The following WDR47 variants were observed in gnomAD, a reference collection of about 807,000 sequenced individuals.
WDR47 encodes the protein WD repeat-containing protein 47.
A neutral mutation model predicts 97.2 loss-of-function variants in WDR47; 32 were observed. The ratio of observed to expected loss-of-function variants is 0.33; its 90% CI spans 0.25 to 0.44. The LOEUF (loss-of-function observed/expected upper bound fraction) is 0.44. Ranked by LOEUF, WDR47 falls within the 20% of genes least tolerant of loss-of-function variation. The probability of loss-of-function intolerance (pLI) is 1.00; values close to 1 mark genes in which losing one functional copy is unlikely to be tolerated. For synonymous variants in WDR47, 375 were observed against 373.5 expected, an observed-to-expected ratio of 1.00 and a Z score of -0.05; for missense variants, 782 against 1,102.3, an observed-to-expected ratio of 0.71 and a Z score of 4.11.
At chr1:108,989,884 T>C (rs887877652) in intron 9 of WDR47, among the ~76,000 whole-genome samples, 6 of 152,010 alleles carry the variant, frequency 3.9e-5, no homozygotes, top group African/African-American at 4.8e-5. Flanking sequence ...TTAGAAGAGA[T>C]TGGGTTTCGC....
intron 5 of WDR47, 129 bp from the exon 6 acceptor site, chr1:109,004,844 G>A (rs548383674): frequency 8.6e-7 from 1 of 1,166,550 alleles, no homozygotes; most frequent in South Asian, 2.1e-5. Context: ...AGCCCCGACT[G>A]GAGTGACGCA....
Position 109,018,167 on chromosome 1 carries a change from T to C in WDR47, c.159-566A>G, listed in dbSNP as rs544555277. ...TTGACCTATGTAAAAACATTGGACA[T>C]GCCAGGCGTGGTGGCTCACACCTGT... On this transcript the variant is annotated intron_variant, in intron 2 of 14. Transcript: ENST00000369962. 3.3e-5 allele frequency among the ~76,000 whole-genome samples: 5 copies of C among 152,154 alleles called. No homozygotes were observed. The East Asian group carries it at 9.7e-4, about 30-fold the overall frequency.
chr1:109,013,973 ATATACT>A (rs1345628850), intron 3 of WDR47, 48 bp from the exon 4 acceptor site: 2 of 1,382,924 alleles, frequency 1.4e-6, no homozygotes, highest in East Asian at 4.6e-5. Context: ...CTGATGTCAA[ATATACT>A]TAGAAGTTAC....
chr1:109,004,753 G>A (rs1190007727), intron 5 of WDR47, 38 bp from the exon 6 acceptor site: 4 of 1,553,986 alleles, frequency 2.6e-6, no homozygotes, highest in East Asian at 4.6e-5. Flanking sequence ...AAAAGGCAGA[G>A]GGGGGAGTAA....
At position 108,991,322 on chromosome 1, in the gene WDR47, C is replaced by A; in HGVS notation, c.1699G>T (p.Glu567Ter). 1 of 1,611,356 alleles carries A rather than the reference C, an allele frequency of 6.2e-7. No homozygotes were observed. Among genetic ancestry groups the A allele is most frequent in the Non-Finnish European group, 8.5e-7 (1 of 1,178,026 alleles). The part of the protein sequence containing the change: ...ESPCGSQISS[E>*]HSVIKPPLGD... ...AGAGGTGGCTTAATGACCGAATGTTCTGAAGAGCTGTGGGAGTAGAAATTC... is the reference window on the plus strand; with the variant it reads ...AGAGGTGGCTTAATGACCGAATGTTATGAAGAGCTGTGGGAGTAGAAATTC... The change falls in exon 9 of 15, where the codon GAA becomes TAA. Residue 567 changes from glutamate to a stop codon, truncating the protein, a stop_gained. Transcript: ENST00000369962. LOFTEE classifies it high-confidence loss of function.
chr1:108,996,444 A>G (rs753553976), intron 7 of WDR47, among the ~76,000 whole-genome samples: 52 of 152,196 alleles, frequency 3.4e-4, no homozygotes, highest in Non-Finnish European at 6.8e-4. Flanking sequence ...TTAATTTTCC[A>G]TTTAAAACTT....
intron 5 of WDR47, among the ~76,000 whole-genome samples, chr1:109,005,303 C>T (rs542066842): frequency 6.6e-6 from 1 of 152,178 alleles, no homozygotes; most frequent in South Asian, 2.1e-4. Context: ...TCCCCAGCTA[C>T]TTGGGAGGCT....
intron 13 of WDR47, among the ~76,000 whole-genome samples, chr1:108,979,211 G>A (rs1405496687): frequency 6.6e-6 from 1 of 152,136 alleles, no homozygotes; most frequent in African/African-American, 2.4e-5. Flanking sequence ...TTAGTGGTAA[G>A]TGTATAGAAA....
chr1:108,986,713 A>T, intron 9 of WDR47, 33 bp from the exon 10 acceptor site: 3 of 1,473,100 alleles, frequency 2.0e-6, no homozygotes, highest in Non-Finnish European at 2.7e-6. Flanking sequence ...TTATCCTATT[A>T]AAAAAATGAA....
Position 108,991,303 on chromosome 1 carries a change from G to A in WDR47, c.1718C>T (p.Pro573Leu), listed in dbSNP as rs1659332011. 29 of 1,611,676 alleles carry A rather than the reference G, an allele frequency of 1.8e-5. No individual in the cohort carries two copies. The East Asian group carries it at 6.5e-4, about 36-fold the overall frequency. Reference protein sequence around the residue: ...QISSEHSVIKPPLGDSPGSLS... With the variant: ...QISSEHSVIKLPLGDSPGSLS... ...ACTCCCTGGAGAATCTCCAAGAGGT[G>A]GCTTAATGACCGAATGTTCTGAAGA... The change falls in exon 9 of 15, where the codon CCA becomes CTA. Residue 573 changes from proline to leucine, a missense_variant. Pro to Leu is a moderately conservative substitution (Grantham distance 98). Coordinates refer to ENST00000369962, the MANE Select transcript of WDR47 (RefSeq NM_001142551.2).
intron 5 of WDR47, among the ~76,000 whole-genome samples, chr1:109,005,653 T>C (rs959293047): frequency 6.6e-6 from 1 of 151,998 alleles, no homozygotes; most frequent in Non-Finnish European, 1.5e-5. Flanking sequence ...GGCAGGCAGA[T>C]CACGAGGTCA....
intron 5 of WDR47, among the ~76,000 whole-genome samples, chr1:109,008,272 T>A (rs778001552): frequency 4.7e-5 from 7 of 150,222 alleles, no homozygotes; most frequent in African/African-American, 7.3e-5. Context: ...ATCCTATACT[T>A]CTTTTTTTTT....
At chr1:109,033,762 C>T (rs1571261800) in intron 1 of WDR47, among the ~76,000 whole-genome samples, 1 of 152,044 alleles carries the variant, frequency 6.6e-6, no homozygotes, top group African/African-American at 2.4e-5. Context: ...CTACTAAAAA[C>T]ACAAAAATTA....
chr1:108,978,493 CAAAA>C (rs201610690), intron 13 of WDR47, among the ~76,000 whole-genome samples: 1 of 92,752 alleles, frequency 1.1e-5, no homozygotes, highest in Non-Finnish European at 2.4e-5. Flanking sequence ...GTCTCAAAAG[CAAAA>C]AAAAAAAAAA....
At chr1:108,983,221 A>G in intron 11 of WDR47, 61 bp downstream of exon 11, 1 of 1,411,658 alleles carries the variant, frequency 7.1e-7, no homozygotes, top group Non-Finnish European at 9.4e-7. Flanking sequence ...GAAATACAAC[A>G]TGGAGAAAAC....
intron 3 of WDR47, among the ~76,000 whole-genome samples, chr1:109,015,982 CAA>C (rs67794185): frequency 1.5e-3 from 146 of 98,930 alleles, no homozygotes; most frequent in Middle Eastern, 4.8e-3. Context: ...GACTCCATCT[CAA>C]AAAAAAAAAA....
At chr1:108,997,759 C>A (rs1469204714) in intron 7 of WDR47, among the ~76,000 whole-genome samples, 168 of 101,934 alleles carry the variant, frequency 1.6e-3, no homozygotes, top group Non-Finnish European at 1.7e-3. Flanking sequence ...GACTCCATCT[C>A]AAAAAAAAAA....
chr1:108,999,445 T>C (rs1660010370), intron 7 of WDR47, among the ~76,000 whole-genome samples: 1 of 152,102 alleles, frequency 6.6e-6, no homozygotes, highest in Non-Finnish European at 1.5e-5. Flanking sequence ...GGTTCTCGCC[T>C]GTAATCCCAG....
At chr1:109,008,612 C>A (rs565436575) in intron 5 of WDR47, among the ~76,000 whole-genome samples, 13 of 150,640 alleles carry the variant, frequency 8.6e-5, no homozygotes, top group Admixed American at 4.6e-4. Flanking sequence ...TTGCTCTAAT[C>A]ATTATTATTT....
Sources: gnomAD v4.1 joint callset for allele counts (sites outside exome capture counted in the v4.1 genomes callset) on GRCh38, gnomAD v4.1.1 for gene constraint, MANE v1.5 for transcripts, NCBI Gene and HGNC (gene_info 2026-07-23, HGNC 2026-07-21) for gene names.